Variants in NUP42 observed in about 807,000 individuals in gnomAD.
The protein encoded by NUP42 is nucleoporin 42.
Under a neutral mutation model 35.9 loss-of-function variants are expected in NUP42, and 47 were observed. The ratio of observed to expected loss-of-function variants is 1.31; its 90% CI spans 1.04 to 1.67. The LOEUF is 1.67. NUP42 is among the 40% of genes most tolerant of loss of function. NUP42 has a pLI of 0.00. For synonymous variants in NUP42, 173 were observed against 173.3 expected, an observed-to-expected ratio of 1.00 and a Z score of 0.01; for missense variants, 514 against 492.2, an observed-to-expected ratio of 1.04 and a Z score of -0.42.
Position 23,200,561 on chromosome 7 carries a change from C to A in NUP42, c.1088C>A (p.Thr363Asn). The change falls in exon 7 of 7, where the codon ACT becomes AAT. Residue 363 changes from threonine to asparagine, a missense_variant. Coordinates refer to ENST00000258742, the MANE Select transcript of NUP42 (RefSeq NM_007342.3). The part of the protein sequence containing the change: ...HTAFSKPSSD[T>N]FGNSSISTSL... Reference sequence around the variant, plus strand: ...GCTTTTTCTAAGCCATCCAGTGACACTTTTGGAAATAGCAGCATATCCACT... The same window carrying A: ...GCTTTTTCTAAGCCATCCAGTGACAATTTTGGAAATAGCAGCATATCCACT... The A allele has an allele frequency of 6.2e-7, 1 of 1,614,102 alleles. No individual in the cohort carries two copies. The highest frequency in any genetic ancestry group is 8.5e-7 in the Non-Finnish European group (1 of 1,180,014).
intron 3 of NUP42, 155 bp downstream of exon 3, chr7:23,187,301 A>G: frequency 3.6e-6 from 2 of 550,090 alleles, no homozygotes; most frequent in Non-Finnish European, 6.4e-6. Context: ...GCCAAACTTC[A>G]TAATTTAGAG....
chr7:23,195,853 T>G lies in NUP42; in HGVS notation c.460T>G (p.Ser154Ala). 6.2e-7 allele frequency: 1 copy of G among 1,600,796 alleles called. No homozygotes were observed. The highest frequency in any genetic ancestry group is 8.5e-7 in the Non-Finnish European group (1 of 1,173,600). ...CCTCACTTCAGGTTTTACAGACATTTCACCAGAGGAATTGAGGCTTGAATA... is the reference window on the plus strand; with the variant it reads ...CCTCACTTCAGGTTTTACAGACATTGCACCAGAGGAATTGAGGCTTGAATA... ...KPNISGFTDI[S>A]PEELRLEYHN... The change falls in exon 4 of 7, where the codon TCA (serine) becomes GCA (alanine). Residue 154 changes from serine to alanine, a missense_variant. Physicochemically the swap from Ser to Ala is moderately conservative, Grantham distance 99 (BLOSUM62 1). Transcript: ENST00000258742.
In NUP42 at chr7:23,200,625, T is replaced by C. The variant is rs1345044305; in HGVS notation, c.1152T>C (p.Asn384=). The C allele has an allele frequency of 6.2e-7, 1 of 1,614,104 alleles. No homozygotes were observed. Among genetic ancestry groups the C allele is most frequent in the South Asian group, 1.1e-5 (1 of 91,084 alleles). The change falls in exon 7 of 7, where the codon AAT becomes AAC. Residue 384 remains asparagine, a synonymous_variant. Transcript: ENST00000258742. ...CAAGCAGCATCATTGCAACAGATAA[T>C]GTGTTATTCACACCCAGAGATAAAC... The part of the protein sequence containing the change: ...SASSSIIATD[N]VLFTPRDKLT...
chr7:23,194,597 G>A (rs900000964), intron 3 of NUP42: 1 of 153,608 alleles, frequency 6.5e-6, no homozygotes, highest in African/African-American at 2.4e-5. Context: ...CTGGCCTCAG[G>A]TGATCCACCG....
chr7:23,190,810 A>T (rs1163844786), intron 3 of NUP42, among the ~76,000 whole-genome samples: 3 of 152,218 alleles, frequency 2.0e-5, no homozygotes, highest in South Asian at 2.1e-4. Context: ...ATAAAAAATT[A>T]AAAAAAGAAT....
chr7:23,192,561 A>G (rs1382184560), intron 3 of NUP42, among the ~76,000 whole-genome samples: 2 of 148,322 alleles, frequency 1.3e-5, no homozygotes, highest in African/African-American at 2.6e-5. Context: ...AAAAAAAAAA[A>G]AAGAAAAAGA....
rs765112038 is a variant in NUP42 at position 23,182,122 on chromosome 7, C to A, written c.37C>A (p.Arg13Ser). The change falls in exon 1 of 7, where the codon CGC becomes AGC. Residue 13 changes from arginine (R) to serine (S), a missense_variant. Arg to Ser is a moderately radical substitution (Grantham distance 110). Coordinates refer to ENST00000258742, the MANE Select transcript of NUP42 (RefSeq NM_007342.3). ...ICQFFLQGRC[R>S]FGDRCWNEHP... ...TCAATTCTTCCTTCAAGGCCGGTGC[C>A]GCTTTGGAGATCGGTGCTGGAACGA... is the stretch of plus-strand genomic sequence containing the variant. The A allele has an allele frequency of 6.2e-6, 10 of 1,614,172 alleles. No homozygotes were observed. In the East Asian group the frequency reaches 1.8e-4, roughly 29 times the overall value.
At chr7:23,200,056 C>A in intron 6 of NUP42, 112 bp from the exon 7 acceptor site, 1 of 803,322 alleles carries the variant, frequency 1.2e-6, no homozygotes, top group Non-Finnish European at 1.9e-6. Context: ...AGCTTCTCAA[C>A]ACTGAAACAT....
intron 3 of NUP42, among the ~76,000 whole-genome samples, chr7:23,191,302 G>C (rs776626873): frequency 2.6e-5 from 4 of 152,192 alleles, no homozygotes; most frequent in Non-Finnish European, 4.4e-5. Context: ...TGCTGTGTGA[G>C]GGGGGAGAAA....
At position 23,200,246 on chromosome 7, in the gene NUP42, CT is replaced by C; in HGVS notation, c.775del (p.Ser259LeufsTer135). The part of the protein sequence containing the change: ...FKTNSGFAAA[S>X]SGSPAGFGSS... ...ACAAACTCTGGATTTGCTGCTGCCT[CT>C]TCTGGAAGCCCTGCTGGTTTTGGGA... On this transcript the variant is annotated frameshift_variant, in exon 7 of 7. Coordinates refer to ENST00000258742, the MANE Select transcript of NUP42 (RefSeq NM_007342.3). LOFTEE classifies it low-confidence loss of function (END_TRUNC). 1.2e-6 allele frequency: 2 copies of C among 1,603,528 alleles called. No individual in the cohort carries two copies. Among genetic ancestry groups the C allele is most frequent in the Non-Finnish European group, 1.7e-6 (2 of 1,173,406 alleles).
Position 23,200,446 on chromosome 7 carries a change from A to T in NUP42, c.973A>T (p.Thr325Ser), listed in dbSNP as rs779525178. ...GFSGLPASLATGPVRAPVAPA... is the reference protein window; with the variant it reads ...GFSGLPASLASGPVRAPVAPA... ...TTCAGGACTTCCAGCTTCCTTGGCA[A>T]CAGGTCCTGTCAGAGCTCCAGTGGC... The change falls in exon 7 of 7, where the codon ACA becomes TCA. Residue 325 changes from threonine to serine, a missense_variant. Transcript: ENST00000258742. The T allele has an allele frequency of 1.2e-6, 2 of 1,614,212 alleles. No individual in the cohort carries two copies. The highest frequency in any genetic ancestry group is 1.7e-6 in the Non-Finnish European group (2 of 1,180,032).
At chr7:23,199,901 G>GTCTATTCCCTAGTCCCTGTGGTTTC (rs1221988478) in intron 6 of NUP42, among the ~76,000 whole-genome samples, 3 of 152,168 alleles carry the variant, frequency 2.0e-5, no homozygotes, top group African/African-American at 7.2e-5. Flanking sequence ...CAAAGTGAAA[G>GTCTATTCCCTAGTCCCTGTGGTTTC]TCTATTCCCT....
chr7:23,189,291 A>G (rs544703049), intron 3 of NUP42, among the ~76,000 whole-genome samples: 1 of 152,322 alleles, frequency 6.6e-6, no homozygotes, highest in East Asian at 1.9e-4. Context: ...AGTACTTAAA[A>G]TCTCTTCTGA....
intron 2 of NUP42, 27 bp downstream of exon 2, chr7:23,185,325 C>T (rs757255662): frequency 2.4e-5 from 36 of 1,487,346 alleles, no homozygotes; most frequent in Non-Finnish European, 3.4e-5. Flanking sequence ...AGGAAAATTA[C>T]TATCCATTTG....
In NUP42 at chr7:23,182,469, C is replaced by T. The variant is rs1785441793; in HGVS notation, c.121+263C>T. The T allele has an allele frequency of 1.0e-5, 13 of 1,286,908 alleles. 1 individual carries two copies. Among genetic ancestry groups the T allele is most frequent in the South Asian group, 6.5e-5 (3 of 46,282 alleles). 79.7% of individuals were successfully genotyped at this position (1,286,908 alleles called of 1,614,324 possible). The stretch of plus-strand genomic sequence containing the variant: ...AAACTGAGTTTTTAAATCGGAAGTA[C>T]CTATCGAAACTACCTTGTAGGTAAA... On this transcript the variant is annotated intron_variant, in intron 1 of 6. Coordinates refer to ENST00000258742, the MANE Select transcript of NUP42 (RefSeq NM_007342.3).
chr7:23,200,170 T>C lies in NUP42; in HGVS notation c.697T>C (p.Phe233Leu), dbSNP rs748045514. Residue 233 changes from phenylalanine to leucine, a missense_variant and splice_region_variant, in exon 7 of 7, where the codon TTT (phenylalanine) becomes CTT (leucine). Transcript: ENST00000258742. ...SQAATFMSPG[F>L]PVNNSSSDNA... ...TTTGTTGTTGTTGTTGTTTGTAGGCTTTCCAGTCAATAACAGCAGCAGTGA... is the reference window on the plus strand; with the variant it reads ...TTTGTTGTTGTTGTTGTTTGTAGGCCTTCCAGTCAATAACAGCAGCAGTGA... 1 of 1,552,318 alleles carries C rather than the reference T, an allele frequency of 6.4e-7. No individual in the cohort carries two copies. Among genetic ancestry groups the C allele is most frequent in the Non-Finnish European group, 8.7e-7 (1 of 1,148,044 alleles).
chr7:23,182,436 C>G, intron 1 of NUP42: 1 of 1,343,762 alleles, frequency 7.4e-7, no homozygotes, highest in Non-Finnish European at 9.6e-7. Flanking sequence ...GGCCTGGATG[C>G]TTGTGCGAAA....
At chr7:23,186,493 G>A (rs1785601664) in intron 2 of NUP42, among the ~76,000 whole-genome samples, 1 of 152,180 alleles carries the variant, frequency 6.6e-6, no homozygotes, top group Non-Finnish European at 1.5e-5. Context: ...TTAGTTGTAT[G>A]GATGTGGGTC....
At chr7:23,194,065 C>T (rs1056379744) in intron 3 of NUP42, among the ~76,000 whole-genome samples, 2 of 152,220 alleles carry the variant, frequency 1.3e-5, no homozygotes, top group African/African-American at 4.8e-5. Context: ...TCCAGCTGGC[C>T]AGCAAGGGCC....
Sources: gnomAD v4.1 joint callset for allele counts (sites outside exome capture counted in the v4.1 genomes callset) on GRCh38, gnomAD v4.1.1 for gene constraint, MANE v1.5 for transcripts, NCBI Gene and HGNC (gene_info 2026-07-23, HGNC 2026-07-21) for gene names.